CNTNAP5: variants seen among roughly 807,000 people sequenced by gnomAD.
CNTNAP5 encodes contactin-associated protein-like 5.
CNTNAP5 carries 72 observed loss-of-function variants against 150.2 expected under a neutral mutation model. That is an observed-to-expected ratio of 0.48 (90% CI 0.40 to 0.58). CNTNAP5 has a LOEUF of 0.58. Among genes scored for constraint, CNTNAP5 ranks in the 20% least tolerant of loss-of-function variants. CNTNAP5 has a pLI of 0.00. For missense variants in CNTNAP5, 1,636 were observed against 1,626.2 expected, an observed-to-expected ratio of 1.01 and a Z score of -0.10; for synonymous variants, 672 against 619.8, an observed-to-expected ratio of 1.08 and a Z score of -1.25.
At chr2:124,126,603 CAA>C (rs1045655949) in intron 1 of CNTNAP5, among the ~76,000 whole-genome samples, 2 of 149,692 alleles carry the variant, frequency 1.3e-5, no homozygotes, top group Non-Finnish European at 3.0e-5. Context: ...AGAGACACAA[CAA>C]AAAAAGAGAA....
At chr2:124,552,568 T>G (rs1016072952) in intron 10 of CNTNAP5, among the ~76,000 whole-genome samples, 1 of 152,180 alleles carries the variant, frequency 6.6e-6, no homozygotes, top group Non-Finnish European at 1.5e-5. Flanking sequence ...GCTGCATGAA[T>G]GTCCCTTTAC....
intron 3 of CNTNAP5, among the ~76,000 whole-genome samples, chr2:124,252,723 A>G (rs1010476906): frequency 2.0e-5 from 3 of 152,226 alleles, no homozygotes; most frequent in African/African-American, 7.2e-5. Context: ...AAGTCAAATT[A>G]TCATGTAGGA....
intron 1 of CNTNAP5, among the ~76,000 whole-genome samples, chr2:124,196,744 CA>C (rs994812779): frequency 5.9e-5 from 9 of 152,152 alleles, no homozygotes; most frequent in East Asian, 1.9e-4. Flanking sequence ...AGTAAAATAC[CA>C]AAGAAACACA....
At chr2:124,533,025 T>C (rs961622382) in intron 10 of CNTNAP5, among the ~76,000 whole-genome samples, 1 of 152,010 alleles carries the variant, frequency 6.6e-6, no homozygotes, top group Non-Finnish European at 1.5e-5. Context: ...CATGTGAATA[T>C]TTCACATTTG....
rs189321101 is a variant in CNTNAP5, at chr2:124,058,237, A to G, written c.82+32505A>G. Reference sequence around the variant, plus strand: ...TTTGGGAACGTGTAACAATAGAATAAAGACAAAATTTTATGGAATGTTATA... The same window carrying G: ...TTTGGGAACGTGTAACAATAGAATAGAGACAAAATTTTATGGAATGTTATA... On this transcript the variant is annotated intron_variant, in intron 1 of 23. Transcript: ENST00000682447. Among the ~76,000 whole-genome samples the G allele has an allele frequency of 2.0e-3, 305 of 152,254 alleles. 1 individual carries two copies. The highest frequency in any genetic ancestry group is 6.9e-3 in the African/African-American group (288 of 41,544).
At chr2:124,721,560 G>T (rs1218922201) in intron 13 of CNTNAP5, among the ~76,000 whole-genome samples, 1 of 150,050 alleles carries the variant, frequency 6.7e-6, no homozygotes, top group Admixed American at 6.6e-5. Context: ...TAAATATAGG[G>T]TGTCAGAAGC....
At chr2:124,559,803 C>T (rs747437822) in intron 10 of CNTNAP5, among the ~76,000 whole-genome samples, 1 of 152,164 alleles carries the variant, frequency 6.6e-6, no homozygotes, top group Non-Finnish European at 1.5e-5. Flanking sequence ...AAATTGGTGT[C>T]ATGTGTCTTT....
intron 3 of CNTNAP5, among the ~76,000 whole-genome samples, chr2:124,380,782 T>C (rs749707144): frequency 6.6e-6 from 1 of 152,156 alleles, no homozygotes; most frequent in African/African-American, 2.4e-5. Flanking sequence ...TGTTTTAGAC[T>C]CTGGGGATAG....
intron 11 of CNTNAP5, among the ~76,000 whole-genome samples, chr2:124,597,968 T>A (rs1696871673): frequency 1.7e-5 from 2 of 119,586 alleles, no homozygotes; most frequent in Non-Finnish European, 3.5e-5. Flanking sequence ...CTTCACTTAG[T>A]TCTCGAGCCT....
intron 10 of CNTNAP5, among the ~76,000 whole-genome samples, chr2:124,561,903 AC>A (rs1053316187): frequency 2.2e-4 from 33 of 151,848 alleles, no homozygotes; most frequent in Non-Finnish European, 4.4e-4. Context: ...CATTGCTTGC[AC>A]CCTCTCTCTT....
intron 12 of CNTNAP5, among the ~76,000 whole-genome samples, chr2:124,610,696 C>T (rs904920648): frequency 6.6e-6 from 1 of 152,050 alleles, no homozygotes; most frequent in Non-Finnish European, 1.5e-5. Flanking sequence ...TGCGATGGCT[C>T]ACGCCTGTAA....
chr2:124,220,970 A>G (rs1686293597), intron 1 of CNTNAP5, among the ~76,000 whole-genome samples: 1 of 152,118 alleles, frequency 6.6e-6, no homozygotes, highest in Non-Finnish European at 1.5e-5. Flanking sequence ...CCGGAGGGGT[A>G]TATCTACCTT....
chr2:124,899,303 A>G (rs1678369183), intron 21 of CNTNAP5, among the ~76,000 whole-genome samples: 1 of 151,520 alleles, frequency 6.6e-6, no homozygotes, highest in Admixed American at 6.6e-5. Flanking sequence ...CATTGAAGAA[A>G]CATGGAAACA....
At chr2:124,334,276 C>T (rs1435640468) in intron 3 of CNTNAP5, among the ~76,000 whole-genome samples, 1 of 152,072 alleles carries the variant, frequency 6.6e-6, no homozygotes, top group Non-Finnish European at 1.5e-5. Context: ...GAGGTAGAAG[C>T]TTTAAGAAAA....
At chr2:124,587,357 C>T (rs562388665) in intron 11 of CNTNAP5, among the ~76,000 whole-genome samples, 1 of 152,174 alleles carries the variant, frequency 6.6e-6, no homozygotes, top group South Asian at 2.1e-4. Flanking sequence ...TTAAATCTTA[C>T]CATAGTATTG....
At position 124,699,020 on chromosome 2, in the gene CNTNAP5, T is replaced by A. The variant is rs146601576; in HGVS notation, c.2078-48209T>A. Among the ~76,000 whole-genome samples, 20 of 152,350 alleles carry A rather than the reference T, an allele frequency of 1.3e-4. No homozygotes were observed. In the East Asian group the frequency reaches 3.5e-3, roughly 26 times the overall value. ...TAGCCACTAACCATCATTTGAAATATGGCTAGTGCAAATGAGCGATTTAAT... is the reference window on the plus strand; with the variant it reads ...TAGCCACTAACCATCATTTGAAATAAGGCTAGTGCAAATGAGCGATTTAAT... On this transcript the variant is annotated intron_variant, in intron 13 of 23. Transcript: ENST00000682447.
At chr2:124,533,982 C>A (rs1309672652) in intron 10 of CNTNAP5, among the ~76,000 whole-genome samples, 1 of 152,054 alleles carries the variant, frequency 6.6e-6, no homozygotes, top group Non-Finnish European at 1.5e-5. Context: ...CACCTCTCCC[C>A]AGTATTGCTT....
At chr2:124,543,329 G>A (rs1695434107) in intron 10 of CNTNAP5, among the ~76,000 whole-genome samples, 1 of 152,050 alleles carries the variant, frequency 6.6e-6, no homozygotes, top group African/African-American at 2.4e-5. Flanking sequence ...AAATAGGTTA[G>A]CTCTGTAATA....
At chr2:124,162,647 G>C (rs1684712355) in intron 1 of CNTNAP5, among the ~76,000 whole-genome samples, 1 of 152,094 alleles carries the variant, frequency 6.6e-6, no homozygotes, top group East Asian at 1.9e-4. Context: ...AGAGTGAAAA[G>C]TAGAAATCAA....
Sources: gnomAD v4.1 joint callset for allele counts (sites outside exome capture counted in the v4.1 genomes callset) on GRCh38, gnomAD v4.1.1 for gene constraint, MANE v1.5 for transcripts, NCBI Gene and HGNC (gene_info 2026-07-23, HGNC 2026-07-21) for gene names.